GAB4: variants seen among roughly 807,000 people sequenced by gnomAD.
GAB4 encodes the protein GRB2-associated-binding protein 4.
In GAB4, 26 loss-of-function variants were observed where a neutral mutation model predicts 51.3. That is an observed-to-expected ratio of 0.51 (90% confidence interval 0.37 to 0.70). The LOEUF is 0.70. Among genes scored for constraint, GAB4 ranks in the 30% least tolerant of loss-of-function variants. GAB4 has a pLI of 0.00. For synonymous variants in GAB4, 329 were observed against 291.2 expected (o/e 1.13, Z -1.32); for missense variants, 759 against 734.6 (o/e 1.03, Z -0.38).
At chr22:16,994,397 G>C (rs2060935537) in intron 1 of GAB4, among the ~76,000 whole-genome samples, 1 of 152,152 alleles carries the variant, frequency 6.6e-6, no homozygotes, top group Non-Finnish European at 1.5e-5. Flanking sequence ...AAAAATAAGT[G>C]CTACTTATTT....
intron 4 of GAB4, 169 bp downstream of exon 4, chr22:16,969,774 A>G: frequency 1.3e-6 from 1 of 780,826 alleles, no homozygotes; most frequent in Non-Finnish European, 2.1e-6. Flanking sequence ...AAGGGAGGCT[A>G]TGGGCCCAGG....
intron 4 of GAB4, among the ~76,000 whole-genome samples, chr22:16,969,226 C>T (rs2123651984): frequency 6.6e-6 from 1 of 152,338 alleles, no homozygotes; most frequent in Non-Finnish European, 1.5e-5. Flanking sequence ...CATTTTGTTT[C>T]AACAGTCTGT....
At chr22:16,992,653 A>G (rs2060923138) in intron 1 of GAB4, among the ~76,000 whole-genome samples, 1 of 152,214 alleles carries the variant, frequency 6.6e-6, no homozygotes, top group Admixed American at 6.5e-5. Flanking sequence ...GCTTTTTACC[A>G]TATCATGATG....
chr22:16,983,544 C>A (rs1348293831), intron 3 of GAB4, among the ~76,000 whole-genome samples: 1 of 152,206 alleles, frequency 6.6e-6, no homozygotes, highest in Non-Finnish European at 1.5e-5. Context: ...TATTACCTGA[C>A]TTCAAAATAT....
At position 17,001,692 on chromosome 22, in the gene GAB4, G is replaced by C. The variant is rs562113057; in HGVS notation, c.174+6249C>G. 5.9e-5 allele frequency among the ~76,000 whole-genome samples: 9 copies of C among 152,306 alleles called. No individual in the cohort carries two copies. The South Asian group carries it at 1.9e-3, about 32-fold the overall frequency. ...AGCTTTGCTCCGTTGCTGTAGATGA[G>C]CTGCTTTCCTTCGGAGGAGAAGAGG... On this transcript the variant is annotated intron_variant, in intron 1 of 9. Transcript: ENST00000400588.
intron 1 of GAB4, 133 bp from the exon 2 acceptor site, chr22:16,992,309 G>T (rs1295759342): frequency 6.9e-6 from 5 of 729,062 alleles, no homozygotes; most frequent in African/African-American, 5.3e-5. Flanking sequence ...GATTTCCCCA[G>T]TTTCAAAGGT....
intron 1 of GAB4, among the ~76,000 whole-genome samples, chr22:17,003,389 A>C (rs2061014091): frequency 1.3e-5 from 2 of 152,240 alleles, no homozygotes; most frequent in African/African-American, 4.8e-5. Context: ...TCTTCTGAGC[A>C]CCACATAGCA....
chr22:16,970,087 C>A lies in GAB4; in HGVS notation c.793G>T (p.Gly265Cys). 1 of 1,614,128 alleles carries A rather than the reference C, an allele frequency of 6.2e-7. No homozygotes were observed. The highest frequency in any genetic ancestry group is 8.5e-7 in the Non-Finnish European group (1 of 1,180,036). ...HSGYSVDGVS[G>C]HIHGFHSLSK... ...AGGCTATGGAAGCCATGGATGTGACCGCTGACCCCATCAACACTGTATCCA... is the reference window on the plus strand; with the variant it reads ...AGGCTATGGAAGCCATGGATGTGACAGCTGACCCCATCAACACTGTATCCA... The change falls in exon 4 of 10, where the codon GGT becomes TGT. Residue 265 changes from glycine (G) to cysteine (C), a missense_variant. Around this residue, in one of 3 missense-constraint regions of GAB4, gnomAD observed 588 missense variants for 510.2 expected, o/e 1.15. Coordinates refer to ENST00000400588, the MANE Select transcript of GAB4 (RefSeq NM_001037814.1).
At position 16,964,806 on chromosome 22, in the gene GAB4, T is replaced by A. The variant is rs766036441; in HGVS notation, c.1436A>T (p.Asn479Ile). 1.9e-6 allele frequency: 3 copies of A among 1,613,696 alleles called. No individual in the cohort carries two copies. In the African/African-American group the frequency reaches 4.0e-5, roughly 22 times the overall value. ...QHPISTQSIT[N>I]TDSEDSGERY... Reference sequence around the variant, plus strand: ...CTCTCCACTGTCTTCTGAGTCTGTGTTGGTGATGCTCTGCGTGGAGATGGG... The same window carrying A: ...CTCTCCACTGTCTTCTGAGTCTGTGATGGTGATGCTCTGCGTGGAGATGGG... Residue 479 changes from asparagine to isoleucine, a missense_variant, in exon 8 of 10, where the codon AAC (asparagine) becomes ATC (isoleucine). Asn to Ile is a moderately radical substitution (Grantham distance 149). Around this residue, in one of 3 missense-constraint regions of GAB4, gnomAD observed 588 missense variants for 510.2 expected, o/e 1.15. Coordinates refer to ENST00000400588, the MANE Select transcript of GAB4 (RefSeq NM_001037814.1).
chr22:17,007,871 C>T (rs1205595641), intron 1 of GAB4, 70 bp downstream of exon 1: 1 of 1,421,526 alleles, frequency 7.0e-7, no homozygotes, highest in Non-Finnish European at 9.4e-7. Flanking sequence ...AGGCCGCCTC[C>T]CCCACGCCCC....
intron 1 of GAB4, among the ~76,000 whole-genome samples, chr22:16,993,351 C>A (rs962555712): frequency 3.9e-5 from 6 of 152,160 alleles, no homozygotes; most frequent in African/African-American, 1.4e-4. Flanking sequence ...ATTATGCAAA[C>A]AAACTCGAAC....
At chr22:16,989,893 A>G (rs371040190) in intron 2 of GAB4, among the ~76,000 whole-genome samples, 4 of 152,224 alleles carry the variant, frequency 2.6e-5, no homozygotes, top group African/African-American at 9.6e-5. Flanking sequence ...GGACCACCTA[A>G]GTGATGGCAA....
chr22:16,991,170 T>C (rs2060910462), intron 2 of GAB4, among the ~76,000 whole-genome samples: 2 of 151,848 alleles, frequency 1.3e-5, no homozygotes, highest in South Asian at 4.2e-4. Context: ...AAGACACTAA[T>C]GCCTGGGTCC....
intron 4 of GAB4, 67 bp downstream of exon 4, chr22:16,969,876 T>C (rs1601251234): frequency 2.5e-6 from 4 of 1,583,202 alleles, no homozygotes; most frequent in East Asian, 4.5e-5. Context: ...AACACCACTA[T>C]TGTTCACCAG....
At chr22:17,001,921 T>TGAA (rs1364639369) in intron 1 of GAB4, among the ~76,000 whole-genome samples, 1 of 152,214 alleles carries the variant, frequency 6.6e-6, no homozygotes, top group African/African-American at 2.4e-5. Flanking sequence ...ACTGCTGTGC[T>TGAA]AGCAGTGAGC....
intron 1 of GAB4, among the ~76,000 whole-genome samples, chr22:16,999,538 T>C (rs1439614998): frequency 6.6e-6 from 1 of 152,198 alleles, no homozygotes; most frequent in African/African-American, 2.4e-5. Flanking sequence ...TCTTTTCTTC[T>C]TTATTAGTCT....
chr22:16,973,758 G>T (rs2060753763), intron 3 of GAB4, among the ~76,000 whole-genome samples: 1 of 152,178 alleles, frequency 6.6e-6, no homozygotes, highest in South Asian at 2.1e-4. Flanking sequence ...TGTTATCAGT[G>T]TGAGTCTCCC....
intron 1 of GAB4, among the ~76,000 whole-genome samples, chr22:17,000,385 C>T (rs548686160): frequency 1.3e-5 from 2 of 152,240 alleles, no homozygotes; most frequent in East Asian, 3.9e-4. Context: ...GATCCCTTTA[C>T]CATTATGTAA....
chr22:16,989,683 C>T (rs1260827604), intron 2 of GAB4, among the ~76,000 whole-genome samples: 1 of 152,184 alleles, frequency 6.6e-6, no homozygotes, highest in Non-Finnish European at 1.5e-5. Context: ...CAAGCAGCCA[C>T]GGCACCAAGG....
Sources: allele counts gnomAD v4.1 joint callset (sites outside exome capture counted in the v4.1 genomes callset), GRCh38; gene constraint gnomAD v4.1.1; regional missense constraint gnomAD v4.1.1; transcripts MANE v1.5; gene names NCBI Gene and HGNC (gene_info 2026-07-23, HGNC 2026-07-21).